Variants in ULK4 observed in about 807,000 individuals in gnomAD.
The protein encoded by ULK4 is inactive serine/threonine-protein kinase ULK4.
Under a neutral mutation model 160.6 loss-of-function variants are expected in ULK4, and 133 were observed. The observed-to-expected ratio is 0.83, with a 90% CI of 0.72 to 0.96. The LOEUF (loss-of-function observed/expected upper bound fraction) is 0.96. Ranked by LOEUF, ULK4 falls within the 40% of genes least tolerant of loss-of-function variation. ULK4 has a pLI of 0.00. For missense variants in ULK4, 1,580 were observed against 1,499.5 expected (o/e 1.05, Z -0.89); for synonymous variants, 534 against 539.8 (o/e 0.99, Z 0.15).
intron 2 of ULK4, among the ~76,000 whole-genome samples, chr3:41,951,144 C>CAAAAAAAAAA (rs34524276): frequency 2.2e-4 from 14 of 64,654 alleles, no homozygotes; most frequent in African/African-American, 4.2e-4. Context: ...GGCTTCGTCT[C>CAAAAAAAAAA]AAAAAAAAAA....
chr3:41,301,441 C>T (rs758260824), intron 35 of ULK4, among the ~76,000 whole-genome samples: 18 of 152,114 alleles, frequency 1.2e-4, no homozygotes, highest in Non-Finnish European at 2.2e-4. Flanking sequence ...TGATATAACA[C>T]GTGAGCACTA....
intron 11 of ULK4, among the ~76,000 whole-genome samples, chr3:41,909,958 G>A (rs904457799): frequency 8.6e-5 from 13 of 151,946 alleles, no homozygotes; most frequent in East Asian, 1.9e-4. Context: ...GCGCGATGGC[G>A]CGATCTCAGC....
intron 35 of ULK4, 91 bp downstream of exon 35, chr3:41,397,988 T>C: frequency 7.0e-7 from 1 of 1,430,166 alleles, no homozygotes; most frequent in South Asian, 1.4e-5. Context: ...TCTCTGTAAA[T>C]TTGAAATTAG....
chr3:41,250,476 G>T (rs1347972626), intron 35 of ULK4, among the ~76,000 whole-genome samples: 1 of 152,128 alleles, frequency 6.6e-6, no homozygotes, highest in Non-Finnish European at 1.5e-5. Flanking sequence ...TATTTATGAG[G>T]TAACCAAAGC....
At chr3:41,712,341 G>A (rs1407917540) in intron 25 of ULK4, among the ~76,000 whole-genome samples, 1 of 152,116 alleles carries the variant, frequency 6.6e-6, no homozygotes, top group Non-Finnish European at 1.5e-5. Flanking sequence ...CACTAACCCT[G>A]GCTGCTATCT....
At chr3:41,297,420 T>G (rs553760091) in intron 35 of ULK4, among the ~76,000 whole-genome samples, 2 of 152,362 alleles carry the variant, frequency 1.3e-5, no homozygotes, top group African/African-American at 4.8e-5. Context: ...TCCAACATAC[T>G]GCACTGGCAA....
At chr3:41,483,617 A>G (rs2084403791) in intron 32 of ULK4, among the ~76,000 whole-genome samples, 1 of 152,190 alleles carries the variant, frequency 6.6e-6, no homozygotes, top group African/African-American at 2.4e-5. Flanking sequence ...CCTCATTTAA[A>G]TGATGTTTTG....
At chr3:41,851,138 C>A (rs562897734) in intron 17 of ULK4, among the ~76,000 whole-genome samples, 1 of 152,094 alleles carries the variant, frequency 6.6e-6, no homozygotes, top group Non-Finnish European at 1.5e-5. Context: ...TGAGAGAGGG[C>A]GTCCCTGTCT....
At chr3:41,593,630 T>C (rs1429709013) in intron 31 of ULK4, among the ~76,000 whole-genome samples, 3 of 152,230 alleles carry the variant, frequency 2.0e-5, no homozygotes, top group East Asian at 1.9e-4. Flanking sequence ...TAACTATGCA[T>C]ATCTCTGGGC....
chr3:41,548,044 G>A (rs78803952), intron 32 of ULK4, among the ~76,000 whole-genome samples: 1,566 of 152,254 alleles, frequency 0.01, 23 homozygotes, highest in Middle Eastern at 0.034. Flanking sequence ...AGTGGGCCTA[G>A]GGACCAGCCC....
intron 35 of ULK4, among the ~76,000 whole-genome samples, chr3:41,271,050 A>G (rs1283308107): frequency 1.3e-5 from 2 of 152,106 alleles, no homozygotes; most frequent in Non-Finnish European, 2.9e-5. Context: ...CTCTGTCTTA[A>G]TATACTAATT....
intron 31 of ULK4, among the ~76,000 whole-genome samples, chr3:41,595,828 C>G (rs781572537): frequency 6.6e-6 from 1 of 152,172 alleles, no homozygotes; most frequent in Non-Finnish European, 1.5e-5. Context: ...TACTAAGTAG[C>G]TGAGGGAATA....
chr3:41,450,923 T>A (rs2083411451), intron 34 of ULK4, among the ~76,000 whole-genome samples: 1 of 152,194 alleles, frequency 6.6e-6, no homozygotes, highest in Admixed American at 6.5e-5. Flanking sequence ...CATGCATACA[T>A]CTAGCCAATA....
chr3:41,692,038 G>C (rs2036319377), intron 27 of ULK4, among the ~76,000 whole-genome samples: 1 of 135,384 alleles, frequency 7.4e-6, no homozygotes, highest in Non-Finnish European at 1.5e-5. Flanking sequence ...TGCAAGCTCT[G>C]CCTCCTGGGT....
chr3:41,578,922 TGA>T (rs1227863248), intron 31 of ULK4, among the ~76,000 whole-genome samples: 1 of 152,178 alleles, frequency 6.6e-6, no homozygotes, highest in Non-Finnish European at 1.5e-5. Flanking sequence ...CAAGCTAGGT[TGA>T]GAGTTTCCCT....
intron 32 of ULK4, among the ~76,000 whole-genome samples, chr3:41,514,929 C>A (rs986617930): frequency 3.3e-5 from 5 of 152,038 alleles, no homozygotes; most frequent in Admixed American, 6.6e-5. Context: ...AAGAAATATT[C>A]AAATAATTAC....
At chr3:41,710,811 ATTGTGACTAAT>A (rs1455024122) in intron 25 of ULK4, among the ~76,000 whole-genome samples, 1 of 149,000 alleles carries the variant, frequency 6.7e-6, no homozygotes, top group Non-Finnish European at 1.5e-5. Context: ...AAAAAAAAAG[ATTGTGACTAAT>A]GCTGGACCAG....
chr3:41,669,257 G>T (rs928427293), intron 29 of ULK4, among the ~76,000 whole-genome samples: 1 of 151,988 alleles, frequency 6.6e-6, no homozygotes, highest in Non-Finnish European at 1.5e-5. Flanking sequence ...TTTAAGGGTC[G>T]GGGGGAGAGA....
intron 21 of ULK4, among the ~76,000 whole-genome samples, chr3:41,775,010 G>C (rs564697131): frequency 4.1e-5 from 6 of 146,308 alleles, no homozygotes; most frequent in Admixed American, 6.8e-5. Flanking sequence ...CTCATAGGTG[G>C]GAATTGAACA....
Sources: gnomAD v4.1 joint callset for allele counts (sites outside exome capture counted in the v4.1 genomes callset) on GRCh38, gnomAD v4.1.1 for gene constraint, MANE v1.5 for transcripts, NCBI Gene and HGNC (gene_info 2026-07-23, HGNC 2026-07-21) for gene names.